Variants in CSMD1 observed in about 807,000 individuals in gnomAD.
CSMD1 encodes the protein CUB and Sushi multiple domains 1.
CSMD1 carries 213 observed loss-of-function variants against 417.5 expected under a neutral mutation model. The ratio of observed to expected loss-of-function variants is 0.51; its 90% CI spans 0.46 to 0.57. The LOEUF is 0.57. CSMD1 is among the 20% of genes least tolerant of loss of function. The pLI is 0.00. For synonymous variants in CSMD1, 2,862 were observed against 1,736.8 expected, an observed-to-expected ratio of 1.65 and a Z score of -16.11; for missense variants, 6,923 against 4,529.7, an observed-to-expected ratio of 1.53 and a Z score of -15.17.
chr8:4,181,558 C>G (rs997527856), intron 3 of CSMD1, among the ~76,000 whole-genome samples: 24 of 152,176 alleles, frequency 1.6e-4, no homozygotes, highest in African/African-American at 5.8e-4. Flanking sequence ...TGTGTTTGGC[C>G]ACATGCAAAG....
chr8:4,624,751 T>C (rs536317355), intron 2 of CSMD1, among the ~76,000 whole-genome samples: 2 of 152,282 alleles, frequency 1.3e-5, no homozygotes, highest in African/African-American at 4.8e-5. Context: ...ATTCACACTC[T>C]CTGCCTGACT....
intron 9 of CSMD1, among the ~76,000 whole-genome samples, chr8:3,580,457 C>T (rs1278319314): frequency 6.6e-6 from 1 of 152,022 alleles, no homozygotes; most frequent in Non-Finnish European, 1.5e-5. Flanking sequence ...AGAGAAACAC[C>T]CCTGGCAAGC....
In CSMD1 at chr8:3,223,832, C is replaced by T. The variant is rs767039998; in HGVS notation, c.4381G>A (p.Val1461Ile). The change falls in exon 28 of 70, where the codon GTT becomes ATT. Residue 1461 changes from valine (V) to isoleucine (I), a missense_variant. By Grantham distance (29) the Val-to-Ile change is conservative. Coordinates refer to ENST00000635120, the MANE Select transcript of CSMD1 (RefSeq NM_033225.6). The stretch of plus-strand genomic sequence containing the variant: ...TGTGGGTAGTTGGGTGACAAAATAA[C>T]ACCTGCTGGGCCCGTCAGATTCCCT... ...CGGNLTGPAG[V>I]ILSPNYPQPY... is the part of the protein sequence containing the mutation. The T allele has an allele frequency of 3.1e-6, 5 of 1,613,700 alleles. No homozygotes were observed. Among genetic ancestry groups the T allele is most frequent in the African/African-American group, 2.7e-5 (2 of 74,890 alleles).
intron 26 of CSMD1, among the ~76,000 whole-genome samples, chr8:3,252,150 G>C (rs1800319042): frequency 6.6e-6 from 1 of 152,202 alleles, no homozygotes; most frequent in African/African-American, 2.4e-5. Context: ...AGTTTGCAAA[G>C]GGAATGCTTC....
intron 33 of CSMD1, among the ~76,000 whole-genome samples, chr8:3,199,449 G>A (rs145671158): frequency 6.6e-6 from 1 of 152,040 alleles, no homozygotes; most frequent in African/African-American, 2.4e-5. Context: ...CTACAGAAAG[G>A]TAATATGATC....
chr8:4,837,816 G>A (rs1049166621), intron 1 of CSMD1, among the ~76,000 whole-genome samples: 1 of 152,028 alleles, frequency 6.6e-6, no homozygotes, highest in African/African-American at 2.4e-5. Flanking sequence ...CGTTCCCCAT[G>A]ATGCACTTAT....
chr8:3,640,055 T>C (rs1193479558), intron 7 of CSMD1, among the ~76,000 whole-genome samples: 1 of 152,188 alleles, frequency 6.6e-6, no homozygotes, highest in Non-Finnish European at 1.5e-5. Flanking sequence ...ATTAATCTAA[T>C]TGCATAAGAA....
intron 26 of CSMD1, among the ~76,000 whole-genome samples, chr8:3,252,453 A>G (rs973135853): frequency 7.9e-5 from 12 of 152,092 alleles, no homozygotes; most frequent in African/African-American, 2.9e-4. Context: ...ATATTGTTGG[A>G]TTCACTTTGC....
At chr8:3,076,953 C>A (rs548756095) in intron 49 of CSMD1, among the ~76,000 whole-genome samples, 1 of 152,092 alleles carries the variant, frequency 6.6e-6, no homozygotes. Context: ...ACCTGAGTAG[C>A]GAACATTGTA....
chr8:4,408,807 A>C (rs1796484952), intron 3 of CSMD1, among the ~76,000 whole-genome samples: 1 of 152,220 alleles, frequency 6.6e-6, no homozygotes, highest in African/African-American at 2.4e-5. Flanking sequence ...GAAAAAAAAT[A>C]GCACAATAAA....
intron 3 of CSMD1, among the ~76,000 whole-genome samples, chr8:4,351,708 C>G (rs1182763889): frequency 2.0e-5 from 3 of 152,092 alleles, no homozygotes; most frequent in African/African-American, 2.4e-5. Context: ...GAGGAATTAG[C>G]CAGACATGGA....
At chr8:4,660,871 A>G (rs1242142400) in intron 1 of CSMD1, among the ~76,000 whole-genome samples, 1 of 152,182 alleles carries the variant, frequency 6.6e-6, no homozygotes, top group Non-Finnish European at 1.5e-5. Flanking sequence ...AAGGTACTCA[A>G]CAACATTAGC....
chr8:4,866,573 C>CT (rs1398990446), intron 1 of CSMD1, among the ~76,000 whole-genome samples: 3 of 151,826 alleles, frequency 2.0e-5, no homozygotes, highest in Non-Finnish European at 4.4e-5. Context: ...CCCAGAGAAG[C>CT]TCAGCTCTTT....
chr8:4,766,800 T>C (rs1317622285), intron 1 of CSMD1, among the ~76,000 whole-genome samples: 2 of 152,204 alleles, frequency 1.3e-5, no homozygotes, highest in Admixed American at 6.5e-5. Context: ...ATTCTACATA[T>C]GTTACATCAA....
chr8:4,973,331 A>T (rs971499139), intron 1 of CSMD1, among the ~76,000 whole-genome samples: 1 of 152,224 alleles, frequency 6.6e-6, no homozygotes, highest in Non-Finnish European at 1.5e-5. Flanking sequence ...CGAAGTCAAT[A>T]GAGTTCATTG....
intron 3 of CSMD1, among the ~76,000 whole-genome samples, chr8:4,194,365 G>C (rs1361885964): frequency 1.3e-5 from 2 of 152,092 alleles, no homozygotes; most frequent in African/African-American, 4.8e-5. Context: ...TTGCCATGTT[G>C]ATATTGCTCA....
In CSMD1 at chr8:3,689,421, G is replaced by A. The variant is rs148180361; in HGVS notation, c.1009+18993C>T. ...GTTATACAATGTTTCAGGAAGAAAGGAAATGGCGGGATAGTTAGAAGTAAT... is the reference window on the plus strand; with the variant it reads ...GTTATACAATGTTTCAGGAAGAAAGAAAATGGCGGGATAGTTAGAAGTAAT... On this transcript the variant is annotated intron_variant, in intron 7 of 69. Coordinates refer to ENST00000635120, the MANE Select transcript of CSMD1 (RefSeq NM_033225.6). Among the ~76,000 whole-genome samples, 721 of 152,308 alleles carry A rather than the reference G, an allele frequency of 4.7e-3. 2 individuals carry two copies. The highest frequency in any genetic ancestry group is 8.9e-3 in the Non-Finnish European group (602 of 68,018).
intron 23 of CSMD1, among the ~76,000 whole-genome samples, chr8:3,338,766 G>C (rs1274383691): frequency 6.6e-6 from 1 of 150,398 alleles, no homozygotes; most frequent in Non-Finnish European, 1.5e-5. Flanking sequence ...ATATGGAATT[G>C]TGGCAGCTCT....
chr8:3,959,953 T>C (rs139388507), intron 5 of CSMD1, among the ~76,000 whole-genome samples: 1 of 152,330 alleles, frequency 6.6e-6, no homozygotes, highest in East Asian at 1.9e-4. Flanking sequence ...GATCATGTGG[T>C]ACTTGAACAT....
Sources: gnomAD v4.1 joint callset for allele counts (sites outside exome capture counted in the v4.1 genomes callset) on GRCh38, gnomAD v4.1.1 for gene constraint, MANE v1.5 for transcripts, NCBI Gene and HGNC (gene_info 2026-07-23, HGNC 2026-07-21) for gene names.